C5: variants seen among roughly 807,000 people sequenced by gnomAD.
C5 encodes complement C5, also known as C3 and PZP-like alpha-2-macroglobulin domain-containing protein 4.
C5 carries 140 observed loss-of-function variants against 218.8 expected under a neutral mutation model. That is an observed-to-expected ratio of 0.64 (90% CI 0.56 to 0.74). The LOEUF is 0.74. Ranked by LOEUF, C5 falls within the 30% of genes least tolerant of loss-of-function variation. The pLI is 0.00. For synonymous variants in C5, 614 were observed against 682.3 expected (o/e 0.90, Z 1.56); for missense variants, 1,700 against 1,969.6 (o/e 0.86, Z 2.59).
chr9:121,049,555 G>A (rs550572119), intron 1 of C5, among the ~76,000 whole-genome samples: 2 of 152,090 alleles, frequency 1.3e-5, no homozygotes, highest in Non-Finnish European at 2.9e-5. Flanking sequence ...TCTCTCTCTA[G>A]AACTGTGACC....
At chr9:120,967,687 A>G (rs1426320819) in intron 33 of C5, among the ~76,000 whole-genome samples, 1 of 151,880 alleles carries the variant, frequency 6.6e-6, no homozygotes, top group Non-Finnish European at 1.5e-5. Flanking sequence ...AAAAGTATAT[A>G]CATATTTTCA....
chr9:121,068,880 A>G, the C5 span, among the ~76,000 whole-genome samples: 1 of 152,230 alleles, frequency 6.6e-6, no homozygotes, highest in Non-Finnish European at 1.5e-5. Context: ...TCACTGGGGA[A>G]AGAATAGTCT....
the C5 span, among the ~76,000 whole-genome samples, chr9:121,066,643 G>A: frequency 1.3e-5 from 2 of 151,340 alleles, no homozygotes; most frequent in Admixed American, 6.6e-5. Flanking sequence ...TCGGGAGTTC[G>A]AGATCAGACT....
chr9:121,048,367 G>A (rs559684395), intron 1 of C5, among the ~76,000 whole-genome samples: 1 of 152,210 alleles, frequency 6.6e-6, no homozygotes, highest in East Asian at 1.9e-4. Flanking sequence ...TCTGCCTCCT[G>A]TCAGATCAGT....
At chr9:121,002,316 G>GTGTGTGTGTATGTATATATATA (rs572345213) in intron 20 of C5, among the ~76,000 whole-genome samples, 1 of 87,406 alleles carries the variant, frequency 1.1e-5, no homozygotes, top group Non-Finnish European at 2.2e-5. Context: ...ATATGTGTGT[G>GTGTGTGTGTATGTATATATATA]TATATATATA....
chr9:121,016,415 G>T (rs201274528), intron 14 of C5, 32 bp from the exon 15 acceptor site: 2 of 1,612,982 alleles, frequency 1.2e-6, no homozygotes, highest in African/African-American at 2.7e-5. Context: ...TGAGCACATT[G>T]AGATGTATAA....
At chr9:120,992,881 A>C (rs1412575096) in intron 22 of C5, among the ~76,000 whole-genome samples, 2 of 152,260 alleles carry the variant, frequency 1.3e-5, no homozygotes, top group Non-Finnish European at 2.9e-5. Context: ...ACTACATCAG[A>C]ATAAATAATT....
intron 17 of C5, among the ~76,000 whole-genome samples, chr9:121,013,463 C>T (rs1159775704): frequency 6.6e-6 from 1 of 152,024 alleles, no homozygotes; most frequent in Non-Finnish European, 1.5e-5. Flanking sequence ...TAACCTTAGG[C>T]TAGATTTAGA....
At position 120,989,531 on chromosome 9, in the gene C5, T is replaced by C. The variant is rs376685730; in HGVS notation, c.3154+37A>G. The stretch of plus-strand genomic sequence containing the variant: ...GTTTAATAAAAATATTAGTTTAGAA[T>C]CACCCAATTTTTATGTGAAATACTT... On this transcript the variant is annotated intron_variant, in intron 24 of 40. Transcript: ENST00000223642. 1,926 of 1,346,800 alleles carry C rather than the reference T, an allele frequency of 1.4e-3. 1 individual carries two copies. Among genetic ancestry groups the C allele is most frequent in the Non-Finnish European group, 1.8e-3 (1,764 of 968,666 alleles). 83.4% of individuals were successfully genotyped at this position (1,346,800 alleles called of 1,614,324 possible). A position where few individuals can be genotyped will look rare whatever the true frequency, so the allele number is the denominator to read the frequency against.
chr9:120,979,830 G>A (rs567747332), intron 28 of C5: 75 of 436,732 alleles, frequency 1.7e-4, no homozygotes, highest in African/African-American at 1.4e-3. Flanking sequence ...AGTGAGCCAC[G>A]ATCATGCCAC....
chr9:121,013,542 G>A (rs543818099), intron 17 of C5, among the ~76,000 whole-genome samples: 19 of 152,214 alleles, frequency 1.2e-4, no homozygotes, highest in Admixed American at 2.6e-4. Context: ...TCACAAAAGC[G>A]TAGACTTGTA....
the C5 span, among the ~76,000 whole-genome samples, chr9:121,069,662 G>T: frequency 1.3e-5 from 2 of 151,886 alleles, no homozygotes; most frequent in Non-Finnish European, 2.9e-5. Context: ...ACAGACAAGT[G>T]CCATCACACC....
intron 12 of C5, among the ~76,000 whole-genome samples, chr9:121,019,702 T>A (rs1352932168): frequency 6.6e-6 from 1 of 152,154 alleles, no homozygotes; most frequent in Non-Finnish European, 1.5e-5. Context: ...GGAGTCAGAG[T>A]CCTCAGCTCA....
chr9:121,045,843 G>A (rs1178723857), intron 2 of C5, among the ~76,000 whole-genome samples: 2 of 152,082 alleles, frequency 1.3e-5, no homozygotes, highest in African/African-American at 4.8e-5. Context: ...ATGTACTACA[G>A]ATAAAATCAT....
At chr9:120,968,221 T>C (rs2046883766) in intron 33 of C5, among the ~76,000 whole-genome samples, 1 of 152,092 alleles carries the variant, frequency 6.6e-6, no homozygotes, top group Admixed American at 6.6e-5. Context: ...GACAAGAATC[T>C]TTATGAGGAA....
At chr9:120,982,548 G>A in intron 26 of C5, 107 bp downstream of exon 26, 1 of 924,360 alleles carries the variant, frequency 1.1e-6, no homozygotes, top group Non-Finnish European at 1.7e-6. Context: ...GGAATTTCTT[G>A]CAGAATTACA....
chr9:121,026,521 A>G (rs2047424868), intron 8 of C5, among the ~76,000 whole-genome samples: 1 of 152,176 alleles, frequency 6.6e-6, no homozygotes, highest in Non-Finnish European at 1.5e-5. Context: ...GACATTTTGA[A>G]CAGGATAATT....
At chr9:121,002,260 A>ATATG (rs1373974002) in intron 20 of C5, among the ~76,000 whole-genome samples, 3 of 102,542 alleles carry the variant, frequency 2.9e-5, no homozygotes, top group African/African-American at 1.4e-4. Context: ...ATATGTATAT[A>ATATG]TGTATATATA....
intron 33 of C5, among the ~76,000 whole-genome samples, chr9:120,965,304 G>A (rs1257857678): frequency 5.3e-5 from 8 of 152,068 alleles, no homozygotes; most frequent in Admixed American, 5.2e-4. Flanking sequence ...CAGATCAGCT[G>A]AAGCCAGGAG....
Sources: allele counts gnomAD v4.1 joint callset (sites outside exome capture counted in the v4.1 genomes callset), GRCh38; gene constraint gnomAD v4.1.1; transcripts MANE v1.5; gene names NCBI Gene and HGNC (gene_info 2026-07-23, HGNC 2026-07-21).